COL5A2: variants seen among roughly 807,000 people sequenced by gnomAD.
COL5A2 encodes the protein collagen alpha-2(V) chain.
Under a neutral mutation model 208.2 loss-of-function variants are expected in COL5A2, and 23 were observed. The ratio of observed to expected loss-of-function variants is 0.11; its 90% CI spans 0.08 to 0.16. COL5A2 has a LOEUF of 0.16. COL5A2 is among the 10% of genes least tolerant of loss of function. The probability of loss-of-function intolerance (pLI) is 1.00; values close to 1 mark genes in which losing one functional copy is unlikely to be tolerated. For missense variants in COL5A2, 1,590 were observed against 1,956.4 expected (o/e 0.81, Z 3.53); for synonymous variants, 625 against 628.5 (o/e 0.99, Z 0.08).
At chr2:189,270,399 GT>G in the COL5A2 span, among the ~76,000 whole-genome samples, 3 of 152,106 alleles carry the variant, frequency 2.0e-5, no homozygotes, top group African/African-American at 4.8e-5. Context: ...TGCTTTAAAT[GT>G]TTCCCAGAGA....
At chr2:189,152,882 G>A (rs1688172574) in intron 1 of COL5A2, among the ~76,000 whole-genome samples, 1 of 152,128 alleles carries the variant, frequency 6.6e-6, no homozygotes, top group Admixed American at 6.6e-5. Flanking sequence ...TGAACTGCTT[G>A]GAACTGGTTG....
chr2:189,345,516 C>A, the COL5A2 span, among the ~76,000 whole-genome samples: 1 of 152,018 alleles, frequency 6.6e-6, no homozygotes, highest in Admixed American at 6.6e-5. Context: ...ATTTAAGATT[C>A]TACCTAAGGG....
intron 8 of COL5A2, among the ~76,000 whole-genome samples, chr2:189,087,737 G>A (rs532569795): frequency 6.6e-6 from 1 of 151,668 alleles, no homozygotes; most frequent in African/African-American, 2.4e-5. Context: ...AAAGTGCTGG[G>A]AGAACAGGCG....
intron 51 of COL5A2, among the ~76,000 whole-genome samples, chr2:189,037,856 G>C (rs1685474483): frequency 6.6e-6 from 1 of 152,040 alleles, no homozygotes. Flanking sequence ...ACACTTATAG[G>C]TCATGCAAGT....
the COL5A2 span, among the ~76,000 whole-genome samples, chr2:189,340,347 G>T: frequency 6.6e-6 from 1 of 152,240 alleles, no homozygotes; most frequent in East Asian, 1.9e-4. Flanking sequence ...AGGAAAGATG[G>T]GATTGGAGGT....
chr2:189,217,146 A>G (rs1406914915), intron 1 of COL5A2, among the ~76,000 whole-genome samples: 1 of 152,172 alleles, frequency 6.6e-6, no homozygotes, highest in Non-Finnish European at 1.5e-5. Context: ...ACAGTTCCGT[A>G]CAGTTTTTGC....
At chr2:189,400,524 T>C in the COL5A2 span, among the ~76,000 whole-genome samples, 22 of 152,338 alleles carry the variant, frequency 1.4e-4, no homozygotes, top group East Asian at 4.2e-3. Context: ...TAGTTCCTCC[T>C]TGACGACTAA....
intron 1 of COL5A2, among the ~76,000 whole-genome samples, chr2:189,159,043 CAA>C (rs1398488271): frequency 6.6e-6 from 1 of 152,126 alleles, no homozygotes; most frequent in African/African-American, 2.4e-5. Context: ...AGCATTCATA[CAA>C]ATTGGTAAAA....
At position 189,064,725 on chromosome 2, in the gene COL5A2, T is replaced by G. The variant is rs989204208; in HGVS notation, c.1618-70A>C. 10 of 1,143,976 alleles carry G rather than the reference T, an allele frequency of 8.7e-6. No homozygotes were observed. In the Admixed American group the frequency reaches 1.0e-4, roughly 12 times the overall value. The allele number at this position is 1,143,976 out of a possible 1,614,324, so 70.9% of individuals were successfully genotyped here. On this transcript the variant is annotated intron_variant, in intron 24 of 53. Transcript: ENST00000374866. Reference sequence around the variant, plus strand: ...AAACAAAAGCAAGCAGAAGTAAAATTATCGTTTTACAAATCAAGGCACTAA... The same window carrying G: ...AAACAAAAGCAAGCAGAAGTAAAATGATCGTTTTACAAATCAAGGCACTAA...
At chr2:189,216,897 T>C (rs1398617880) in intron 1 of COL5A2, among the ~76,000 whole-genome samples, 1 of 152,080 alleles carries the variant, frequency 6.6e-6, no homozygotes. Flanking sequence ...GGGAAAGGCA[T>C]GGGCAGATCC....
chr2:189,218,350 C>T (rs1689304909), intron 1 of COL5A2, among the ~76,000 whole-genome samples: 1 of 152,020 alleles, frequency 6.6e-6, no homozygotes, highest in African/African-American at 2.4e-5. Flanking sequence ...GAAGTGAACA[C>T]AGAGAGGAGA....
intron 1 of COL5A2, among the ~76,000 whole-genome samples, chr2:189,138,026 G>A: frequency 6.6e-6 from 1 of 152,170 alleles, no homozygotes; most frequent in Middle Eastern, 3.2e-3. Flanking sequence ...CCAGGCTGGA[G>A]TGCAGTGGCA....
At chr2:189,312,998 T>C in the COL5A2 span, among the ~76,000 whole-genome samples, 2 of 151,794 alleles carry the variant, frequency 1.3e-5, no homozygotes, top group African/African-American at 4.8e-5. Context: ...ACAAAATAGC[T>C]GGTATGAAGA....
Position 189,099,873 on chromosome 2 carries a change from T to C in COL5A2, c.369+234A>G, listed in dbSNP as rs565501404. Among the ~76,000 whole-genome samples the C allele has an allele frequency of 2.4e-4, 36 of 152,296 alleles. No individual in the cohort carries two copies. In the South Asian group the frequency reaches 6.8e-3, roughly 29 times the overall value. The stretch of plus-strand genomic sequence containing the variant: ...ATCCACATGTAATATATTTAACTTT[T>C]TAAAACAATGACTTTCTACCTTTAG... On this transcript the variant is annotated intron_variant, in intron 4 of 53. Transcript: ENST00000374866.
At chr2:189,128,490 TG>T (rs1226378294) in intron 1 of COL5A2, among the ~76,000 whole-genome samples, 4 of 152,010 alleles carry the variant, frequency 2.6e-5, no homozygotes, top group Non-Finnish European at 4.4e-5. Context: ...TGTTGTTTTT[TG>T]TTTTTTTCTT....
At chr2:189,307,063 T>C in the COL5A2 span, among the ~76,000 whole-genome samples, 2 of 152,222 alleles carry the variant, frequency 1.3e-5, no homozygotes, top group Admixed American at 6.5e-5. Flanking sequence ...GGAAAAAAGT[T>C]CATTGATATA....
chr2:189,072,888 T>C (rs1231606160), intron 17 of COL5A2, among the ~76,000 whole-genome samples: 4 of 152,072 alleles, frequency 2.6e-5, no homozygotes, highest in Non-Finnish European at 5.9e-5. Context: ...TTTAAACCAT[T>C]GATTAAAAGA....
chr2:189,079,209 T>TCTTTC, intron 14 of COL5A2, 102 bp from the exon 15 acceptor site: 2 of 914,672 alleles, frequency 2.2e-6, no homozygotes, highest in Non-Finnish European at 3.6e-6. Flanking sequence ...AAAGAGGACA[T>TCTTTC]ATGAAAGATG....
Position 189,079,920 on chromosome 2 carries a change from A to T in COL5A2, c.960+58T>A, listed in dbSNP as rs907912541. 2.1e-6 allele frequency: 3 copies of T among 1,434,320 alleles called. No homozygotes were observed. The African/African-American group carries it at 4.2e-5, about 20-fold the overall frequency. 88.8% of individuals were successfully genotyped at this position (1,434,320 alleles called of 1,614,324 possible). Reference sequence around the variant, plus strand: ...AGGTGGTTCTGAAAAATGTGTAAACATTTGAAGCAAAACTAAGATGCCAAA... The same window carrying T: ...AGGTGGTTCTGAAAAATGTGTAAACTTTTGAAGCAAAACTAAGATGCCAAA... On this transcript the variant is annotated intron_variant, in intron 14 of 53. Coordinates refer to ENST00000374866, the MANE Select transcript of COL5A2 (RefSeq NM_000393.5).
Sources: gnomAD v4.1 joint callset for allele counts (sites outside exome capture counted in the v4.1 genomes callset) on GRCh38, gnomAD v4.1.1 for gene constraint, MANE v1.5 for transcripts, NCBI Gene and HGNC (gene_info 2026-07-23, HGNC 2026-07-21) for gene names.